ROBO2: variants seen among roughly 807,000 people sequenced by gnomAD.
ROBO2 encodes roundabout guidance receptor 2.
In ROBO2, 53 loss-of-function variants were observed where a neutral mutation model predicts 160.8. The ratio of observed to expected loss-of-function variants is 0.33; its 90% CI spans 0.26 to 0.41. The LOEUF is 0.41. ROBO2 is among the 10% of genes least tolerant of loss of function. The pLI is 1.00. For synonymous variants in ROBO2, 664 were observed against 611.7 expected (o/e 1.09, Z -1.26); for missense variants, 1,577 against 1,722.4 (o/e 0.92, Z 1.49).
At chr3:77,014,460 T>C (rs1173523846) in intron 2 of ROBO2, among the ~76,000 whole-genome samples, 1 of 152,154 alleles carries the variant, frequency 6.6e-6, no homozygotes, top group Non-Finnish European at 1.5e-5. Flanking sequence ...ACTGCGTAAC[T>C]GTGTGTGACT....
chr3:76,815,413 G>C (rs2065574962), intron 2 of ROBO2, among the ~76,000 whole-genome samples: 1 of 150,142 alleles, frequency 6.7e-6, no homozygotes, highest in Non-Finnish European at 1.5e-5. Flanking sequence ...CCTGCTCCCA[G>C]TCAACAGCAA....
At chr3:76,144,059 C>T (rs1356023276) in intron 2 of ROBO2, among the ~76,000 whole-genome samples, 1 of 151,888 alleles carries the variant, frequency 6.6e-6, no homozygotes, top group Non-Finnish European at 1.5e-5. Context: ...ATGTTAATCT[C>T]AGCCAGAAAC....
At chr3:76,112,753 T>C (rs1475719325) in intron 2 of ROBO2, among the ~76,000 whole-genome samples, 1 of 152,050 alleles carries the variant, frequency 6.6e-6, no homozygotes, top group Non-Finnish European at 1.5e-5. Flanking sequence ...AATTATGTGA[T>C]TGAGATTTTA....
In ROBO2 at chr3:77,579,935, C is replaced by T. The variant is rs115128094; in HGVS notation, c.2329-12C>T. The T allele has an allele frequency of 6.2e-7, 1 of 1,611,094 alleles. No individual in the cohort carries two copies. The highest frequency in any genetic ancestry group is 1.3e-5 in the African/African-American group (1 of 74,960). ...CTTATATCCATGTGTTATTCACTTTCCATTTCTGTAGATCTGGTGTCTAGG... is the reference window on the plus strand; with the variant it reads ...CTTATATCCATGTGTTATTCACTTTTCATTTCTGTAGATCTGGTGTCTAGG... On this transcript the variant is annotated splice_polypyrimidine_tract_variant and intron_variant, in intron 15 of 25. Coordinates refer to ENST00000461745, the Ensembl canonical transcript of ROBO2.
At chr3:76,058,099 T>A (rs954774404) in intron 2 of ROBO2, among the ~76,000 whole-genome samples, 3 of 152,192 alleles carry the variant, frequency 2.0e-5, no homozygotes, top group African/African-American at 7.2e-5. Flanking sequence ...CTTTTTGTTT[T>A]TTTTTTCCTT....
chr3:76,481,461 A>G (rs1320972692), intron 2 of ROBO2, among the ~76,000 whole-genome samples: 2 of 152,212 alleles, frequency 1.3e-5, no homozygotes, highest in Non-Finnish European at 2.9e-5. Flanking sequence ...GCATAGTTAT[A>G]GCACATTCAT....
chr3:77,236,731 ACT>A (rs150353858), intron 2 of ROBO2, among the ~76,000 whole-genome samples: 159 of 152,288 alleles, frequency 1.0e-3, no homozygotes, highest in African/African-American at 3.6e-3. Context: ...CCTGAAAACC[ACT>A]GATCTTTTTT....
At chr3:76,681,239 T>C (rs2092554419) in intron 2 of ROBO2, among the ~76,000 whole-genome samples, 1 of 152,136 alleles carries the variant, frequency 6.6e-6, no homozygotes, top group South Asian at 2.1e-4. Flanking sequence ...AACCCAACAC[T>C]ATAAAGTATC....
chr3:76,334,147 A>AT (rs1553710263), intron 2 of ROBO2, among the ~76,000 whole-genome samples: 5 of 152,078 alleles, frequency 3.3e-5, no homozygotes, highest in East Asian at 1.9e-4. Flanking sequence ...ATAATAAAAA[A>AT]ATATATATAT....
rs139455657 is a variant in ROBO2 at position 76,331,877 on chromosome 3, T to C, written c.109+394275T>C. 3.3e-3 allele frequency among the ~76,000 whole-genome samples: 507 copies of C among 151,894 alleles called. 6 individuals carry two copies. Among genetic ancestry groups the C allele is most frequent in the Admixed American group, 0.024 (371 of 15,246 alleles). ...TTTTGTATTTTTAGTAGAGACGGAG[T>C]TTCACTATATCGGTCAGGCTGTTCT... On this transcript the variant is annotated intron_variant, in intron 2 of 26. Coordinates refer to the ROBO2 transcript ENST00000487694.
intron 2 of ROBO2, among the ~76,000 whole-genome samples, chr3:76,274,847 A>T (rs1041996179): frequency 2.0e-5 from 3 of 152,020 alleles, no homozygotes; most frequent in Non-Finnish European, 4.4e-5. Flanking sequence ...AAAAAAAAAA[A>T]AAAAAGAATG....
chr3:77,041,819 G>A (rs2064131054), intron 1 of ROBO2, among the ~76,000 whole-genome samples: 1 of 151,742 alleles, frequency 6.6e-6, no homozygotes, highest in South Asian at 2.1e-4. Context: ...TTTTCTAACT[G>A]GATTGCAGTA....
intron 2 of ROBO2, among the ~76,000 whole-genome samples, chr3:76,402,019 T>A (rs1369724752): frequency 2.0e-5 from 3 of 151,578 alleles, no homozygotes; most frequent in Non-Finnish European, 4.4e-5. Flanking sequence ...AAGACGTGAA[T>A]GCTTGAACAA....
chr3:76,308,394 A>AG (rs1553700865), intron 2 of ROBO2, among the ~76,000 whole-genome samples: 36 of 150,798 alleles, frequency 2.4e-4, no homozygotes, highest in South Asian at 1.3e-3. Context: ...AAAAAAAAAA[A>AG]AAAGAAAGAA....
At chr3:76,232,235 A>G (rs191781782) in intron 2 of ROBO2, among the ~76,000 whole-genome samples, 156 of 152,348 alleles carry the variant, frequency 1.0e-3, no homozygotes, top group African/African-American at 3.6e-3. Flanking sequence ...TACATTTTTA[A>G]GCATCTCAGT....
intron 1 of ROBO2, among the ~76,000 whole-genome samples, chr3:75,935,813 C>T (rs1345587384): frequency 6.6e-6 from 1 of 152,090 alleles, no homozygotes; most frequent in African/African-American, 2.4e-5. Context: ...TAAATTCCTG[C>T]TTAGTGTTTA....
At chr3:77,058,721 A>G (rs1232625727) in intron 1 of ROBO2, among the ~76,000 whole-genome samples, 1 of 150,328 alleles carries the variant, frequency 6.7e-6, no homozygotes, top group Non-Finnish European at 1.5e-5. Flanking sequence ...TATTTTTTGT[A>G]GAGATGGGGT....
chr3:77,445,794 G>GTTTTTTTTTTTTTTT (rs199914360), intron 2 of ROBO2, among the ~76,000 whole-genome samples: 3 of 123,078 alleles, frequency 2.4e-5, no homozygotes, highest in African/African-American at 6.4e-5. Flanking sequence ...GTTTTTTTTT[G>GTTTTTTTTTTTTTTT]TTTTTTTTTT....
chr3:76,718,133 G>A (rs2093411405), intron 2 of ROBO2, among the ~76,000 whole-genome samples: 1 of 152,140 alleles, frequency 6.6e-6, no homozygotes, highest in South Asian at 2.1e-4. Context: ...CCATAGACAG[G>A]ATTATCTCTA....
Sources: allele counts gnomAD v4.1 joint callset (sites outside exome capture counted in the v4.1 genomes callset), GRCh38; gene constraint gnomAD v4.1.1; transcripts MANE v1.5; gene names NCBI Gene and HGNC (gene_info 2026-07-23, HGNC 2026-07-21).